The following KDM4B variants were observed in gnomAD, a reference collection of about 807,000 sequenced individuals.
KDM4B encodes lysine-specific demethylase 4B.
A neutral mutation model predicts 125.2 loss-of-function variants in KDM4B; 32 were observed. That is an observed-to-expected ratio of 0.26 (90% CI 0.19 to 0.34). The LOEUF (loss-of-function observed/expected upper bound fraction) is 0.34, where lower values mean the gene tolerates loss of function less well. Ranked by LOEUF, KDM4B falls within the 10% of genes least tolerant of loss-of-function variation. KDM4B has a pLI of 1.00. For missense variants in KDM4B, 1,190 were observed against 1,577.7 expected (o/e 0.75, Z 4.16); for synonymous variants, 721 against 677.9 (o/e 1.06, Z -0.99).
intron 9 of KDM4B, among the ~76,000 whole-genome samples, chr19:5,090,179 C>T (rs1027771464): frequency 2.6e-5 from 4 of 152,148 alleles, no homozygotes; most frequent in Non-Finnish European, 5.9e-5. Context: ...GGGGTCCTAG[C>T]CCCTGGGTCT....
At chr19:5,105,243 A>G (rs771573012) in intron 9 of KDM4B, among the ~76,000 whole-genome samples, 1 of 152,242 alleles carries the variant, frequency 6.6e-6, no homozygotes, top group Non-Finnish European at 1.5e-5. Flanking sequence ...GAGGCCCGGA[A>G]GCCGGTAGTG....
At chr19:5,020,213 GCA>G (rs2036067674) in intron 2 of KDM4B, among the ~76,000 whole-genome samples, 1 of 150,952 alleles carries the variant, frequency 6.6e-6, no homozygotes, top group South Asian at 2.1e-4. Flanking sequence ...ATATTGGTGT[GCA>G]GGTGTTAGTG....
chr19:5,012,253 T>G (rs73540689), intron 1 of KDM4B, among the ~76,000 whole-genome samples: 9,650 of 152,194 alleles, frequency 0.063, 336 homozygotes, highest in South Asian at 0.11. Flanking sequence ...GTTTTAGATT[T>G]ACAGAGAATT....
In KDM4B at chr19:5,144,870, T is replaced by C. The variant is rs1200805005; in HGVS notation, c.2989T>C (p.Phe997Leu). The C allele has an allele frequency of 6.2e-7, 1 of 1,612,914 alleles. No individual in the cohort carries two copies. The highest frequency in any genetic ancestry group is 8.5e-7 in the Non-Finnish European group (1 of 1,179,742). The change falls in exon 21 of 23, where the codon TTC (phenylalanine) becomes CTC (leucine). Residue 997 changes from phenylalanine (F) to leucine (L), a missense_variant. This residue lies in a region of KDM4B where 298 missense variants were observed against 439.7 expected (regional missense o/e 0.68). Coordinates refer to ENST00000159111, the MANE Select transcript of KDM4B (RefSeq NM_015015.3). ...WTDGNLYKAK[F>L]ISSVTSHIYQ... is the part of the protein sequence containing the mutation. Reference sequence around the variant, plus strand: ...TGACGGCAACCTCTACAAGGCCAAGTTCATCTCCTCCGTCACCAGCCACAT... The same window carrying C: ...TGACGGCAACCTCTACAAGGCCAAGCTCATCTCCTCCGTCACCAGCCACAT...
rs1599203561 is a variant in KDM4B at position 5,109,142 on chromosome 19, T to C, written c.919-1480T>C. Among the ~76,000 whole-genome samples the C allele has an allele frequency of 1.3e-5, 2 of 152,336 alleles. 1 individual carries two copies. ...GGCACGGTGCAGAGTTTCTCGAAGCTGAAAACACTCAGCGTTTGGGCCTCT... is the reference window on the plus strand; with the variant it reads ...GGCACGGTGCAGAGTTTCTCGAAGCCGAAAACACTCAGCGTTTGGGCCTCT... On this transcript the variant is annotated intron_variant, in intron 9 of 22. Coordinates refer to ENST00000159111, the MANE Select transcript of KDM4B (RefSeq NM_015015.3).
chr19:4,978,233 A>T (rs1274809175), intron 1 of KDM4B, among the ~76,000 whole-genome samples: 1 of 152,106 alleles, frequency 6.6e-6, no homozygotes, highest in African/African-American at 2.4e-5. Context: ...TTGGCCAGGC[A>T]CAGTGGCTCA....
chr19:5,135,353 G>A lies in KDM4B; in HGVS notation c.2100G>A (p.Glu700=), dbSNP rs749482766. 3.1e-6 allele frequency: 5 copies of A among 1,612,540 alleles called. No homozygotes were observed. The South Asian group carries it at 5.5e-5, about 18-fold the overall frequency. ...CTCCCCTACAGGCCCTACAGACTGA[G>A]AAGGAGGCACCCATAGCCTCCCTCG... ...FYPYCQALQT[E]KEAPIASLGE... The change falls in exon 15 of 23, where the codon GAG becomes GAA. Residue 700 remains glutamate (E), a synonymous_variant. Coordinates refer to ENST00000159111, the MANE Select transcript of KDM4B (RefSeq NM_015015.3).
At chr19:5,120,547 G>A (rs568290505) in intron 11 of KDM4B, among the ~76,000 whole-genome samples, 2 of 152,162 alleles carry the variant, frequency 1.3e-5, no homozygotes, top group Non-Finnish European at 2.9e-5. Context: ...AGTTGTGAAC[G>A]GGGTGCGGGG....
rs371829389 is a variant in KDM4B at position 5,103,367 on chromosome 19, G to A, written c.919-7255G>A. 5.9e-5 allele frequency among the ~76,000 whole-genome samples: 9 copies of A among 152,282 alleles called. No homozygotes were observed. In the South Asian group the frequency reaches 1.9e-3, roughly 32 times the overall value. On this transcript the variant is annotated intron_variant, in intron 9 of 22. Transcript: ENST00000159111. ...AAAGAAATCTATTTATCTCTGCGTC[G>A]GGTCCCGCTCTGCATAACCGGAGGC...
At chr19:5,147,512 A>C (rs1272158485) in intron 21 of KDM4B, among the ~76,000 whole-genome samples, 1 of 152,148 alleles carries the variant, frequency 6.6e-6, no homozygotes, top group East Asian at 1.9e-4. Flanking sequence ...TGGGAGGCTG[A>C]GGTGGGCAGA....
Position 5,035,665 on chromosome 19 carries a change from G to A in KDM4B, c.141+2634G>A, listed in dbSNP as rs928645111. On this transcript the variant is annotated intron_variant, in intron 3 of 22. Coordinates refer to ENST00000159111, the MANE Select transcript of KDM4B (RefSeq NM_015015.3). This position sits in a 1 kb window ranked among gnomAD's most constrained non-coding sequence, Gnocchi z 5.3. Reference sequence around the variant, plus strand: ...TTCCCCCGAGATTCTTGGCACCGGCGTCTTAAGCCAGTGTGGGGAGTATGG... The same window carrying A: ...TTCCCCCGAGATTCTTGGCACCGGCATCTTAAGCCAGTGTGGGGAGTATGG... Among the ~76,000 whole-genome samples the A allele has an allele frequency of 3.9e-5, 6 of 152,144 alleles. No homozygotes were observed. Among genetic ancestry groups the A allele is most frequent in the African/African-American group, 7.2e-5 (3 of 41,514 alleles).
chr19:5,082,647 G>T lies in KDM4B; in HGVS notation c.918+143G>T. 1 of 917,736 alleles carries T rather than the reference G, an allele frequency of 1.1e-6. No individual in the cohort carries two copies. Among genetic ancestry groups the T allele is most frequent in the Middle Eastern group, 3.1e-4 (1 of 3,198 alleles). 56.8% of individuals were successfully genotyped at this position (917,736 alleles called of 1,614,324 possible). On this transcript the variant is annotated intron_variant, in intron 9 of 22. Transcript: ENST00000159111. This position sits in a 1 kb window ranked among gnomAD's most constrained non-coding sequence, Gnocchi z 5.4. ...GCTCTCAACCAGGGTCTGATTCTGGGCTCCTCAGAGAGCTTTTGCCCAGAA... is the reference window on the plus strand; with the variant it reads ...GCTCTCAACCAGGGTCTGATTCTGGTCTCCTCAGAGAGCTTTTGCCCAGAA...
chr19:5,126,752 G>T (rs192972713), intron 11 of KDM4B, among the ~76,000 whole-genome samples: 1 of 152,242 alleles, frequency 6.6e-6, no homozygotes, highest in African/African-American at 2.4e-5. Context: ...AGGCGCACCC[G>T]GCTGCGGGTT....
At chr19:5,123,333 C>G (rs549238629) in intron 11 of KDM4B, among the ~76,000 whole-genome samples, 1 of 152,360 alleles carries the variant, frequency 6.6e-6, no homozygotes, top group African/African-American at 2.4e-5. Context: ...CTGGCCCATT[C>G]CGAGGACCCA....
At chr19:5,072,873 C>G (rs747407459) in intron 7 of KDM4B, among the ~76,000 whole-genome samples, 9 of 152,158 alleles carry the variant, frequency 5.9e-5, no homozygotes, top group Non-Finnish European at 1.2e-4. Context: ...AGAGGCCGCC[C>G]GCATTCCTTG....
chr19:5,042,599 T>C (rs1291855944), intron 5 of KDM4B, among the ~76,000 whole-genome samples: 2 of 151,038 alleles, frequency 1.3e-5, no homozygotes, highest in East Asian at 2.0e-4. Context: ...GCAAGAAACA[T>C]GGCTTGGGAG....
chr19:5,100,779 A>ATT, intron 9 of KDM4B, among the ~76,000 whole-genome samples: 1 of 151,956 alleles, frequency 6.6e-6, no homozygotes, highest in Admixed American at 6.5e-5. Context: ...TAACCTGTCT[A>ATT]TTGATGTGTT....
At chr19:5,043,170 T>G (rs1441133921) in intron 5 of KDM4B, among the ~76,000 whole-genome samples, 67 of 130,878 alleles carry the variant, frequency 5.1e-4, no homozygotes, top group South Asian at 2.4e-3. Flanking sequence ...GGAGTGGGGG[T>G]GTCCACCTTA....
chr19:5,026,933 G>A (rs2036298215), intron 2 of KDM4B, among the ~76,000 whole-genome samples: 1 of 152,216 alleles, frequency 6.6e-6, no homozygotes, highest in African/African-American at 2.4e-5. Flanking sequence ...ATGGGGCAGG[G>A]CGGTGGGAGC....
Sources: gnomAD v4.1 joint callset for allele counts (sites outside exome capture counted in the v4.1 genomes callset) on GRCh38, gnomAD v4.1.1 for gene constraint, gnomAD v4.1.1 regional missense constraint, Gnocchi (gnomAD v3.1) non-coding constraint, MANE v1.5 for transcripts, NCBI Gene and HGNC (gene_info 2026-07-23, HGNC 2026-07-21) for gene names.